The following TTC6 variants were observed in gnomAD, a reference collection of about 807,000 sequenced individuals.
TTC6 encodes tetratricopeptide repeat protein 6.
In TTC6, 172 loss-of-function variants were observed where a neutral mutation model predicts 210.4. The ratio of observed to expected loss-of-function variants is 0.82; its 90% confidence interval spans 0.72 to 0.93. The LOEUF is 0.93. TTC6 is among the 40% of genes least tolerant of loss of function. The probability of loss-of-function intolerance (pLI) is 0.00; values close to 1 mark genes in which losing one functional copy is unlikely to be tolerated. For missense variants in TTC6, 2,414 were observed against 2,318.1 expected (o/e 1.04, Z -0.85); for synonymous variants, 804 against 819.6 (o/e 0.98, Z 0.32).
intron 1 of TTC6, among the ~76,000 whole-genome samples, chr14:37,652,625 A>G (rs1474823289): frequency 1.3e-5 from 2 of 152,172 alleles, no homozygotes; most frequent in African/African-American, 4.8e-5. Context: ...TACACCTCTC[A>G]TTTGTACTCC....
chr14:37,741,661 A>G (rs145763950), intron 10 of TTC6, among the ~76,000 whole-genome samples: 1 of 152,276 alleles, frequency 6.6e-6, no homozygotes, highest in Non-Finnish European at 1.5e-5. Flanking sequence ...CATAAAGGTT[A>G]TTTCATCACA....
In TTC6 at chr14:37,725,312, GTATATATATATATATATATATA is replaced by G. The variant is rs1169644241; in HGVS notation, c.1818+335_1818+356del. 7.4e-4 allele frequency among the ~76,000 whole-genome samples: 25 copies of G among 33,920 alleles called. 1 individual carries two copies. The highest frequency in any genetic ancestry group is 2.2e-3 in the South Asian group (2 of 900). 22.3% of individuals were successfully genotyped at this position (33,920 alleles called of 152,430 possible). On this transcript the variant is annotated intron_variant, in intron 7 of 30. Coordinates refer to ENST00000553443, the Ensembl canonical transcript of TTC6. ...TATATGTATGTATGTGTGTGTGTGT[GTATATATATATATATATATATA>G]TATATATATATATATATATATATAA...
chr14:37,718,199 C>T (rs986897566), intron 6 of TTC6, among the ~76,000 whole-genome samples: 17 of 152,122 alleles, frequency 1.1e-4, no homozygotes, highest in Admixed American at 3.9e-4. Flanking sequence ...ATTAAAAATA[C>T]GTAAAAAGAA....
intron 9 of TTC6, among the ~76,000 whole-genome samples, chr14:37,738,156 C>A (rs1035110215): frequency 6.7e-6 from 1 of 150,074 alleles, no homozygotes; most frequent in African/African-American, 2.4e-5. Context: ...AGTATTAATG[C>A]ATAATTATTA....
At chr14:37,732,126 C>T (rs1481782591) in intron 7 of TTC6, among the ~76,000 whole-genome samples, 1 of 146,358 alleles carries the variant, frequency 6.8e-6, no homozygotes, top group Non-Finnish European at 1.5e-5. Flanking sequence ...TACTGATAAA[C>T]AGTCAATTAA....
intron 1 of TTC6, among the ~76,000 whole-genome samples, chr14:37,642,831 C>G (rs2095694522): frequency 6.6e-6 from 1 of 152,188 alleles, no homozygotes; most frequent in Non-Finnish European, 1.5e-5. Flanking sequence ...TCCTGAATAG[C>G]TACCCAACTG....
At chr14:37,668,924 G>A (rs763700059) in intron 1 of TTC6, among the ~76,000 whole-genome samples, 1 of 152,100 alleles carries the variant, frequency 6.6e-6, no homozygotes, top group Non-Finnish European at 1.5e-5. Flanking sequence ...TTGCTTCTTG[G>A]TTCTGTGACT....
In TTC6 at chr14:37,725,560, G is replaced by A. The variant is rs145684560; in HGVS notation, c.1818+558G>A. On this transcript the variant is annotated intron_variant, in intron 7 of 30. Coordinates refer to ENST00000553443, the Ensembl canonical transcript of TTC6. Reference sequence around the variant, plus strand: ...AGATGGGGTTTCTCCATGTTGGTGAGGCTGGTCTAGAACTCCTGACCTCAG... The same window carrying A: ...AGATGGGGTTTCTCCATGTTGGTGAAGCTGGTCTAGAACTCCTGACCTCAG... 9.7e-3 allele frequency among the ~76,000 whole-genome samples: 1,465 copies of A among 151,448 alleles called. 35 individuals carry two copies. Among genetic ancestry groups the A allele is most frequent in the African/African-American group, 0.034 (1,395 of 41,292 alleles).
chr14:37,655,743 T>C (rs1387803743), intron 1 of TTC6, among the ~76,000 whole-genome samples: 1 of 152,234 alleles, frequency 6.6e-6, no homozygotes. Flanking sequence ...GGAACAATTA[T>C]TTGATACCAC....
rs1212489041 is a variant in TTC6 at position 37,761,973 on chromosome 14, T to C, written c.3266+8738T>C. On this transcript the variant is annotated intron_variant, in intron 14 of 30. Coordinates refer to ENST00000553443, the Ensembl canonical transcript of TTC6. Reference sequence around the variant, plus strand: ...AACATTGTACTCTTTGACCAACAATTCCCCATTTTTCATAACACCCAACCT... The same window carrying C: ...AACATTGTACTCTTTGACCAACAATCCCCCATTTTTCATAACACCCAACCT... Among the ~76,000 whole-genome samples, 3 of 152,260 alleles carry C rather than the reference T, an allele frequency of 2.0e-5. No homozygotes were observed. In the East Asian group the frequency reaches 5.8e-4, roughly 29 times the overall value.
intron 1 of TTC6, among the ~76,000 whole-genome samples, chr14:37,634,476 C>T (rs552209569): frequency 9.2e-5 from 14 of 152,196 alleles, no homozygotes; most frequent in East Asian, 5.8e-4. Flanking sequence ...CAGAGCCTTA[C>T]GGACCTGTGG....
intron 20 of TTC6, among the ~76,000 whole-genome samples, chr14:37,800,074 G>A (rs1342823502): frequency 2.0e-5 from 3 of 152,168 alleles, no homozygotes; most frequent in Non-Finnish European, 4.4e-5. Context: ...ACCTGCAAAT[G>A]TAGGAGCAGC....
At position 37,841,720 on chromosome 14, in the gene TTC6, A is replaced by G. The variant is rs780326803; in HGVS notation, c.5524+50A>G. ...TAAGATTACAGTGGTTGAAGTGATT[A>G]TTTTTAGGCTACAAAAGAAGAAAAT... On this transcript the variant is annotated intron_variant, in intron 30 of 30. Transcript: ENST00000553443. The G allele has an allele frequency of 5.7e-6, 8 of 1,393,784 alleles. 1 individual carries two copies. The Admixed American group carries it at 1.8e-4, about 32-fold the overall frequency. 86.3% of individuals were successfully genotyped at this position (1,393,784 alleles called of 1,614,324 possible).
At chr14:37,731,920 C>A (rs1047201290) in intron 7 of TTC6, among the ~76,000 whole-genome samples, 45 of 151,726 alleles carry the variant, frequency 3.0e-4, no homozygotes, top group African/African-American at 1.0e-3. Context: ...ATTTTCTTAC[C>A]CATTGTATGC....
At chr14:37,815,063 T>G (rs2096138243) in intron 25 of TTC6, among the ~76,000 whole-genome samples, 1 of 152,146 alleles carries the variant, frequency 6.6e-6, no homozygotes. Flanking sequence ...CTTTTCCCTC[T>G]TGAAAACCTA....
intron 1 of TTC6, among the ~76,000 whole-genome samples, chr14:37,648,573 T>G (rs1055577958): frequency 5.9e-5 from 9 of 152,182 alleles, no homozygotes; most frequent in African/African-American, 1.7e-4. Flanking sequence ...TCCTCATATG[T>G]TGGATGTCTG....
At chr14:37,725,308 GTGTGTATATATA>G (rs1349405215) in intron 7 of TTC6, among the ~76,000 whole-genome samples, 26 of 73,394 alleles carry the variant, frequency 3.5e-4, no homozygotes, top group East Asian at 9.7e-4. Context: ...ATGTGTGTGT[GTGTGTATATATA>G]TATATATATA....
At chr14:37,826,477 T>A in intron 28 of TTC6, 130 bp downstream of exon 30, 1 of 889,444 alleles carries the variant, frequency 1.1e-6, no homozygotes, top group Non-Finnish European at 1.6e-6. Context: ...TATTTTTTTT[T>A]AACCCAAGTG....
chr14:37,837,542 G>A lies in TTC6; in HGVS notation c.5299-3903G>A, dbSNP rs74045704. The A allele has an allele frequency of 7.7e-3, 2,818 of 364,826 alleles. 76 individuals carry two copies. The highest frequency in any genetic ancestry group is 0.055 in the African/African-American group (2,581 of 46,814). The allele number at this position is 364,826 out of a possible 1,614,324, so 22.6% of individuals were successfully genotyped here. The stretch of plus-strand genomic sequence containing the variant: ...CAAAGTTCATGGAGTATTGCCTAAA[G>A]GTGATGTTCCCTCTCCATGTATAGA... On this transcript the variant is annotated intron_variant, in intron 29 of 30. Coordinates refer to ENST00000553443, the Ensembl canonical transcript of TTC6.
Sources: allele counts gnomAD v4.1 joint callset (sites outside exome capture counted in the v4.1 genomes callset), GRCh38; gene constraint gnomAD v4.1.1; transcripts MANE v1.5; gene names NCBI Gene and HGNC (gene_info 2026-07-23, HGNC 2026-07-21).